The following BBS9 variants were observed in gnomAD, a reference collection of about 807,000 sequenced individuals.
BBS9 encodes the protein Bardet-Biedl syndrome 9, also known as protein PTHB1.
Under a neutral mutation model 117.7 loss-of-function variants are expected in BBS9, and 89 were observed. The ratio of observed to expected loss-of-function variants is 0.76; its 90% CI spans 0.64 to 0.90. The LOEUF (loss-of-function observed/expected upper bound fraction) is 0.90. Ranked by LOEUF, BBS9 falls within the 40% of genes least tolerant of loss-of-function variation. The probability of loss-of-function intolerance (pLI) is 0.00; values close to 1 mark genes in which losing one functional copy is unlikely to be tolerated. For synonymous variants in BBS9, 379 were observed against 370.9 expected, an observed-to-expected ratio of 1.02 and a Z score of -0.25; for missense variants, 982 against 1,042.2, an observed-to-expected ratio of 0.94 and a Z score of 0.80.
At chr7:33,544,016 T>C (rs987349106) in intron 21 of BBS9, among the ~76,000 whole-genome samples, 7 of 152,200 alleles carry the variant, frequency 4.6e-5, no homozygotes, top group Non-Finnish European at 1.5e-5. Flanking sequence ...GCATTTTGCA[T>C]TTCTGAAAGT....
chr7:33,441,870 T>C (rs1836246527), intron 19 of BBS9, among the ~76,000 whole-genome samples: 1 of 151,950 alleles, frequency 6.6e-6, no homozygotes, highest in African/African-American at 2.4e-5. Flanking sequence ...AGCAATGTTT[T>C]CAACCATCCC....
intron 1 of BBS9, among the ~76,000 whole-genome samples, chr7:33,136,430 G>A (rs574745358): frequency 1.5e-4 from 23 of 152,270 alleles, no homozygotes; most frequent in African/African-American, 5.1e-4. Flanking sequence ...TCCTTGTCTT[G>A]TGCCTGATCT....
chr7:33,193,421 C>CGTTTTTTTTTTTTTT lies in BBS9; in HGVS notation c.442+15830_442+15831insGTTTTTTTTTTTTTT, dbSNP rs1562773513. The stretch of plus-strand genomic sequence containing the variant: ...TTGTCTTCCCCTGTCCCTCTCTCTG[C>CGTTTTTTTTTTTTTT]CTTTTTTTTTTTTTTTTTTTGTAGT... On this transcript the variant is annotated intron_variant, in intron 5 of 22. Transcript: ENST00000242067. 4.4e-5 allele frequency among the ~76,000 whole-genome samples: 3 copies of CGTTTTTTTTTTTTTT among 67,792 alleles called. 1 individual carries two copies. Among genetic ancestry groups the CGTTTTTTTTTTTTTT allele is most frequent in the Non-Finnish European group, 3.3e-5 (1 of 30,422 alleles). 44.5% of individuals were successfully genotyped at this position (67,792 alleles called of 152,430 possible).
rs142328401 is a variant in BBS9, at chr7:33,186,207, T to C, written c.442+8616T>C. On this transcript the variant is annotated intron_variant, in intron 5 of 22. Transcript: ENST00000242067. ...ATGCGGATTCTTGTAAGTCTGAAAT[T>C]GGACCTTAAATGCTGAATTTCTGAC... Among the ~76,000 whole-genome samples, 35 of 152,356 alleles carry C rather than the reference T, an allele frequency of 2.3e-4. No homozygotes were observed. In the East Asian group the frequency reaches 6.7e-3, roughly 29 times the overall value.
chr7:33,582,523 TACACAC>T (rs141224049), intron 21 of BBS9, among the ~76,000 whole-genome samples: 5 of 147,692 alleles, frequency 3.4e-5, no homozygotes, highest in South Asian at 2.2e-4. Flanking sequence ...GTTTCTACAA[TACACAC>T]ACACACACAC....
In BBS9 at chr7:33,287,586, G is replaced by T. The variant is rs375799196; in HGVS notation, c.1016+13630G>T. On this transcript the variant is annotated intron_variant, in intron 9 of 22. Transcript: ENST00000242067. ...AACCTGCCAGTTAACAGATTGTGGG[G>T]GTTCCCAGATATTCTAAAATGTGGA... Among the ~76,000 whole-genome samples the T allele has an allele frequency of 2.6e-4, 39 of 152,134 alleles. No individual in the cohort carries two copies. In the South Asian group the frequency reaches 5.8e-3, roughly 23 times the overall value.
At chr7:33,332,921 C>T (rs1814436870) in intron 9 of BBS9, among the ~76,000 whole-genome samples, 1 of 152,024 alleles carries the variant, frequency 6.6e-6, no homozygotes, top group Non-Finnish European at 1.5e-5. Context: ...TAGGTACATT[C>T]ATACTGCTGT....
chr7:33,211,683 G>A (rs899333561), intron 5 of BBS9, among the ~76,000 whole-genome samples: 2 of 152,148 alleles, frequency 1.3e-5, no homozygotes, highest in Non-Finnish European at 1.5e-5. Flanking sequence ...TATTGCCAAT[G>A]TGTTTTGTAC....
At chr7:33,320,326 A>G (rs1234095032) in intron 9 of BBS9, among the ~76,000 whole-genome samples, 3 of 152,168 alleles carry the variant, frequency 2.0e-5, no homozygotes, top group Admixed American at 2.0e-4. Context: ...CCCACAAATA[A>G]GCAAGAACAT....
At chr7:33,316,297 A>G (rs900318177) in intron 9 of BBS9, among the ~76,000 whole-genome samples, 1 of 152,162 alleles carries the variant, frequency 6.6e-6, no homozygotes, top group African/African-American at 2.4e-5. Flanking sequence ...AACAGTGGCA[A>G]TTTATTTTTC....
chr7:33,364,685 C>T (rs1297806137), intron 16 of BBS9, among the ~76,000 whole-genome samples: 5 of 100,326 alleles, frequency 5.0e-5, no homozygotes, highest in Middle Eastern at 4.2e-3. Flanking sequence ...ATCCTTTCCC[C>T]CCTCCCCCTC....
intron 12 of BBS9, among the ~76,000 whole-genome samples, chr7:33,347,531 G>A (rs1817824336): frequency 6.6e-6 from 1 of 151,836 alleles, no homozygotes; most frequent in African/African-American, 2.4e-5. Context: ...TAAAAATTGA[G>A]GATTCATTGT....
rs971019047 is a variant in BBS9 at position 33,441,254 on chromosome 7, T to G, written c.2115+53110T>G. ...CTATTTGTGTGTATGAGCTGGGTTT[T>G]GGGGAAAGGATGAGCTGTAGATGGC... On this transcript the variant is annotated intron_variant, in intron 19 of 22. Transcript: ENST00000242067. Among the ~76,000 whole-genome samples, 14 of 150,222 alleles carry G rather than the reference T, an allele frequency of 9.3e-5. No individual in the cohort carries two copies. The South Asian group carries it at 1.7e-3, about 18-fold the overall frequency.
intron 5 of BBS9, among the ~76,000 whole-genome samples, chr7:33,248,345 T>C (rs932872899): frequency 6.6e-6 from 1 of 152,238 alleles, no homozygotes; most frequent in Admixed American, 6.5e-5. Context: ...ATTGCATTAT[T>C]ATTAGGCACT....
intron 9 of BBS9, among the ~76,000 whole-genome samples, chr7:33,325,169 A>G (rs976295518): frequency 1.3e-5 from 2 of 151,994 alleles, no homozygotes; most frequent in Admixed American, 6.6e-5. Context: ...TTGTTTTTAA[A>G]TTATTTTTTC....
In BBS9 at chr7:33,183,086, G is replaced by A. The variant is rs1266679656; in HGVS notation, c.442+5495G>A. Among the ~76,000 whole-genome samples the A allele has an allele frequency of 3.3e-5, 5 of 152,090 alleles. No individual in the cohort carries two copies. In the East Asian group the frequency reaches 7.7e-4, roughly 23 times the overall value. ...AGTGTATTTCCTACCTAGTTATTAC[G>A]CATGAAATCTCTCGCATAATATGAA... On this transcript the variant is annotated intron_variant, in intron 5 of 22. Coordinates refer to ENST00000242067, the MANE Select transcript of BBS9 (RefSeq NM_198428.3).
chr7:33,423,677 G>A (rs1469105791), intron 19 of BBS9, among the ~76,000 whole-genome samples: 2 of 152,114 alleles, frequency 1.3e-5, no homozygotes. Context: ...TACTTTACAA[G>A]AATGAGCATA....
intron 19 of BBS9, among the ~76,000 whole-genome samples, chr7:33,499,973 G>T (rs147714245): frequency 6.6e-6 from 1 of 152,102 alleles, no homozygotes; most frequent in African/African-American, 2.4e-5. Flanking sequence ...TTCACTAAAG[G>T]AGCAGGCCTA....
intron 19 of BBS9, among the ~76,000 whole-genome samples, chr7:33,405,144 C>G (rs1364418913): frequency 1.3e-5 from 2 of 152,176 alleles, no homozygotes; most frequent in Non-Finnish European, 2.9e-5. Context: ...TGCTGGACTA[C>G]ATTTATTGAT....
Sources: allele counts gnomAD v4.1 joint callset (sites outside exome capture counted in the v4.1 genomes callset), GRCh38; gene constraint gnomAD v4.1.1; transcripts MANE v1.5; gene names NCBI Gene and HGNC (gene_info 2026-07-23, HGNC 2026-07-21).